The following TTC7A variants were observed in gnomAD, a reference collection of about 807,000 sequenced individuals.
The protein encoded by TTC7A is tetratricopeptide repeat domain 7A.
A neutral mutation model predicts 103.7 loss-of-function variants in TTC7A; 110 were observed. The ratio of observed to expected loss-of-function variants is 1.06; its 90% CI spans 0.91 to 1.24. The LOEUF (loss-of-function observed/expected upper bound fraction) is 1.24. TTC7A is among the 50% of genes most tolerant of loss of function. The pLI is 0.00. For missense variants in TTC7A, 1,340 were observed against 1,116.3 expected (o/e 1.20, Z -2.86); for synonymous variants, 521 against 467.9 (o/e 1.11, Z -1.47).
intron 14 of TTC7A, among the ~76,000 whole-genome samples, chr2:47,025,987 TA>T (rs1278510306): frequency 3.9e-5 from 6 of 152,248 alleles, no homozygotes; most frequent in African/African-American, 1.4e-4. Context: ...ATGCATTTTT[TA>T]ACCTGTTCAG....
At chr2:46,971,064 C>T (rs1673312954) in intron 3 of TTC7A, among the ~76,000 whole-genome samples, 1 of 152,250 alleles carries the variant, frequency 6.6e-6, no homozygotes, top group South Asian at 2.1e-4. Flanking sequence ...CTTTGTCAGA[C>T]ATGACCAGGC....
chr2:47,029,458 C>T (rs1313510750), intron 15 of TTC7A, 74 bp downstream of exon 15: 3 of 1,512,578 alleles, frequency 2.0e-6, no homozygotes, highest in South Asian at 1.1e-5. Flanking sequence ...GCACACCTGC[C>T]CTGCCATGGT....
intron 11 of TTC7A, among the ~76,000 whole-genome samples, chr2:47,011,879 C>T (rs1678095879): frequency 6.6e-6 from 1 of 152,228 alleles, no homozygotes; most frequent in Admixed American, 6.5e-5. Context: ...TCTGTCAGCC[C>T]CTCTCCTTCC....
intron 9 of TTC7A, 138 bp downstream of exon 9, chr2:47,006,197 A>C: frequency 5.0e-6 from 6 of 1,204,554 alleles, no homozygotes; most frequent in Admixed American, 2.4e-5. Flanking sequence ...GGCAAGTTGT[A>C]CAAGTCTCAG....
chr2:47,006,582 C>T (rs1486067251), intron 9 of TTC7A, 59 bp from the exon 10 acceptor site: 9 of 1,452,954 alleles, frequency 6.2e-6, no homozygotes, highest in African/African-American at 2.8e-5. Context: ...TGGAAGGGTG[C>T]GGATGGCTGG....
At chr2:46,961,748 A>G (rs1052463819) in intron 3 of TTC7A, among the ~76,000 whole-genome samples, 2 of 151,788 alleles carry the variant, frequency 1.3e-5, no homozygotes, top group Admixed American at 6.6e-5. Flanking sequence ...CTACTAAAAA[A>G]AAAGAAAGAA....
chr2:47,043,024 G>A (rs952587616), intron 15 of TTC7A, among the ~76,000 whole-genome samples: 70 of 152,280 alleles, frequency 4.6e-4, no homozygotes, highest in African/African-American at 1.6e-3. Context: ...CTGGCTGTGA[G>A]GGCCCCAGAA....
intron 3 of TTC7A, among the ~76,000 whole-genome samples, chr2:46,959,145 A>G (rs748912298): frequency 6.6e-6 from 1 of 152,252 alleles, no homozygotes; most frequent in Non-Finnish European, 1.5e-5. Context: ...CTAGGATGAA[A>G]GGAATCAAGT....
chr2:47,011,406 G>A lies in TTC7A; in HGVS notation c.1363G>A (p.Ala455Thr), dbSNP rs147112070. Residue 455 changes from alanine to threonine, a missense_variant, in exon 11 of 20, where the codon GCG becomes ACG. By Grantham distance (58) the Ala-to-Thr change is moderately conservative. Coordinates refer to ENST00000319190, the MANE Select transcript of TTC7A (RefSeq NM_020458.4). ...GGACCCCACCGTGCCCCTGATGGCC[G>A]CGAAGGTCTGCATCGGGTCCCTTCG... ...PSDPTVPLMA[A>T]KVCIGSLRWL... is the part of the protein sequence containing the mutation. The A allele has an allele frequency of 1.1e-4, 183 of 1,609,782 alleles. No individual in the cohort carries two copies. Among genetic ancestry groups the A allele is most frequent in the South Asian group, 3.0e-4 (27 of 90,966 alleles).
chr2:47,043,961 G>T (rs900037515), intron 15 of TTC7A, among the ~76,000 whole-genome samples: 2 of 152,190 alleles, frequency 1.3e-5, no homozygotes, highest in African/African-American at 4.8e-5. Context: ...GGGGGCTCTG[G>T]CAGAGAGAAG....
chr2:47,020,065 T>C (rs1679106584), intron 11 of TTC7A, among the ~76,000 whole-genome samples: 1 of 152,148 alleles, frequency 6.6e-6, no homozygotes, highest in African/African-American at 2.4e-5. Context: ...GGCCACCTGG[T>C]CCTGCCAGGT....
At chr2:46,979,248 G>A (rs1280242046) in intron 5 of TTC7A, among the ~76,000 whole-genome samples, 2 of 152,170 alleles carry the variant, frequency 1.3e-5, no homozygotes, top group Non-Finnish European at 2.9e-5. Context: ...GCTGGCCAGT[G>A]GGTCTGGTTT....
chr2:47,017,549 A>T (rs560145702), intron 11 of TTC7A, among the ~76,000 whole-genome samples: 1 of 152,260 alleles, frequency 6.6e-6, no homozygotes, highest in African/African-American at 2.4e-5. Flanking sequence ...AAATAAAATA[A>T]TCAAAACCTT....
At chr2:46,917,196 A>G in exon 2 of TTC7A, 1 of 700,386 alleles carries the variant, frequency 1.4e-6, no homozygotes, top group Non-Finnish European at 2.6e-6. Context: ...AAGAGTCTCC[A>G]TGGTGCCCAG....
chr2:46,928,757 AC>A (rs1669536401), intron 2 of TTC7A, among the ~76,000 whole-genome samples: 1 of 151,002 alleles, frequency 6.6e-6, no homozygotes, highest in Non-Finnish European at 1.5e-5. Context: ...GTAATGTGAG[AC>A]TGTTTCAAAA....
At chr2:47,010,024 T>G (rs1364949711) in intron 10 of TTC7A, among the ~76,000 whole-genome samples, 1 of 152,016 alleles carries the variant, frequency 6.6e-6, no homozygotes, top group Non-Finnish European at 1.5e-5. Context: ...AAACCTCAGC[T>G]CAGCCATTCA....
rs984418976 is a variant in TTC7A, at chr2:46,967,919, C to G, written c.518-7054C>G. Among the ~76,000 whole-genome samples, 4 of 151,966 alleles carry G rather than the reference C, an allele frequency of 2.6e-5. No homozygotes were observed. In the East Asian group the frequency reaches 7.8e-4, roughly 29 times the overall value. On this transcript the variant is annotated intron_variant, in intron 3 of 19. Coordinates refer to ENST00000319190, the MANE Select transcript of TTC7A (RefSeq NM_020458.4). ...TGAATTGCATTTTTTCGCTTCTTCC[C>G]GTGGCTGCAGGGTACCCAAGTCTGG...
rs937815998 is a variant in TTC7A, at chr2:47,019,697, C to T, written c.1393-2165C>T. On this transcript the variant is annotated intron_variant, in intron 11 of 19. Transcript: ENST00000319190. ...AGTATCTGCTGAGCCGTATTCCTGG[C>T]ACCCTCTCTGCATGGGTTGCAGGAG... Among the ~76,000 whole-genome samples, 15 of 152,258 alleles carry T rather than the reference C, an allele frequency of 9.9e-5. 1 individual carries two copies. The South Asian group carries it at 2.3e-3, about 23-fold the overall frequency.
At chr2:47,026,782 AC>A (rs1679968244) in intron 14 of TTC7A, among the ~76,000 whole-genome samples, 1 of 152,196 alleles carries the variant, frequency 6.6e-6, no homozygotes, top group Non-Finnish European at 1.5e-5. Context: ...ATCTTCATGG[AC>A]ACTGAAATAG....
Sources: gnomAD v4.1 joint callset for allele counts (sites outside exome capture counted in the v4.1 genomes callset) on GRCh38, gnomAD v4.1.1 for gene constraint, MANE v1.5 for transcripts, NCBI Gene and HGNC (gene_info 2026-07-23, HGNC 2026-07-21) for gene names.